Variants in MINDY4B observed in about 807,000 individuals in gnomAD.
The protein encoded by MINDY4B is MINDY family member 4B.
A neutral mutation model predicts 16.7 loss-of-function variants in MINDY4B; 25 were observed. That is an observed-to-expected ratio of 1.49 (90% CI 1.09 to 2.09). The LOEUF (loss-of-function observed/expected upper bound fraction) is 2.09, where lower values mean the gene tolerates loss of function less well. MINDY4B is among the 30% of genes most tolerant of loss of function. The pLI, the probability that MINDY4B is intolerant of heterozygous loss-of-function variation, is 0.00. For missense variants in MINDY4B, 327 were observed against 168.4 expected (o/e 1.94, Z -5.21); for synonymous variants, 132 against 61.9 (o/e 2.13, Z -5.32).
At chr3:150,889,540 A>G (rs1711711854) in intron 7 of MINDY4B, among the ~76,000 whole-genome samples, 2 of 152,234 alleles carry the variant, frequency 1.3e-5, no homozygotes, top group African/African-American at 2.4e-5. Flanking sequence ...TAATATATTT[A>G]CAAGTTCCGG....
chr3:150,882,929 T>C lies in MINDY4B; in HGVS notation c.1027A>G (p.Lys343Glu). 1.4e-6 allele frequency: 1 copy of C among 702,870 alleles called. No homozygotes were observed. Among genetic ancestry groups the C allele is most frequent in the Non-Finnish European group, 2.6e-6 (1 of 384,750 alleles). The allele number at this position is 702,870 out of a possible 1,614,324, so 43.5% of individuals were successfully genotyped here. Reference protein sequence around the residue: ...RSDVGYLQWGKDASEDDRLSQ... With the variant: ...RSDVGYLQWGEDASEDDRLSQ... Reference sequence around the variant, plus strand: ...AGTCTGTCATCTTCCGAGGCATCCTTACCCCACTGCAAATAGCCAACATCA... The same window carrying C: ...AGTCTGTCATCTTCCGAGGCATCCTCACCCCACTGCAAATAGCCAACATCA... Residue 343 changes from lysine (K) to glutamate (E), a missense_variant, in exon 10 of 12, where the codon AAG becomes GAG. Physicochemically the swap from Lys to Glu is moderately conservative, Grantham distance 56. Coordinates refer to ENST00000465419, the MANE Select transcript of MINDY4B (RefSeq NM_001351281.2).
chr3:150,890,281 GTCAAC>G, intron 7 of MINDY4B, 34 bp downstream of exon 7: 1 of 458,636 alleles, frequency 2.2e-6, no homozygotes, highest in Middle Eastern at 5.1e-4. Flanking sequence ...TGTAAGATCA[GTCAAC>G]ATAAAGGAAT....
Position 150,870,972 on chromosome 3 carries a change from T to C in MINDY4B, c.*73A>G. 1 of 640,772 alleles carries C rather than the reference T, an allele frequency of 1.6e-6. No individual in the cohort carries two copies. The highest frequency in any genetic ancestry group is 2.8e-6 in the Non-Finnish European group (1 of 357,724). The allele number at this position is 640,772 out of a possible 1,614,324, so 39.7% of individuals were successfully genotyped here. On this transcript the variant is annotated 3_prime_UTR_variant, in exon 12 of 12. Transcript: ENST00000465419. ...GAATGAGAAATATGGAAACGATTGG[T>C]CTCCCCCACATTAGGCTTTTGCATC...
chr3:150,903,736 G>GTTTTATAA (rs1712172263), intron 2 of MINDY4B, among the ~76,000 whole-genome samples: 1 of 152,178 alleles, frequency 6.6e-6, no homozygotes, highest in Admixed American at 6.5e-5. Flanking sequence ...GTTTTGAGAA[G>GTTTTATAA]ACAACATTTT....
chr3:150,880,346 C>T (rs977330475), intron 10 of MINDY4B, among the ~76,000 whole-genome samples: 7 of 143,398 alleles, frequency 4.9e-5, no homozygotes, highest in South Asian at 2.1e-4. Context: ...TGTGTGGATG[C>T]GCACACGCGC....
intron 6 of MINDY4B, 198 bp downstream of exon 6, chr3:150,890,740 A>G (rs1402031112): frequency 5.7e-6 from 3 of 529,910 alleles, no homozygotes; most frequent in Non-Finnish European, 1.0e-5. Flanking sequence ...GGTGAATTCC[A>G]TAGCAGGAAT....
Position 150,870,797 on chromosome 3 carries a change from A to T in MINDY4B, c.*248T>A, listed in dbSNP as rs1354786458. Reference sequence around the variant, plus strand: ...CTCTTTTGAATAAAAGAAAGAAACCAGTCTATGTGACTACGGAGGAGGCAC... The same window carrying T: ...CTCTTTTGAATAAAAGAAAGAAACCTGTCTATGTGACTACGGAGGAGGCAC... On this transcript the variant is annotated 3_prime_UTR_variant, in exon 12 of 12. Transcript: ENST00000465419. Among the ~76,000 whole-genome samples the T allele has an allele frequency of 2.6e-5, 4 of 152,242 alleles. No individual in the cohort carries two copies. Among genetic ancestry groups the T allele is most frequent in the African/African-American group, 9.6e-5 (4 of 41,470 alleles).
At position 150,870,941 on chromosome 3, in the gene MINDY4B, G is replaced by C. The variant is rs1195231950; in HGVS notation, c.*104C>G. On this transcript the variant is annotated 3_prime_UTR_variant, in exon 12 of 12. Coordinates refer to ENST00000465419, the MANE Select transcript of MINDY4B (RefSeq NM_001351281.2). ...GTATATATATATATTTTTTGGTGGGGCTTGTGAATGAGAAATATGGAAACG... is the reference window on the plus strand; with the variant it reads ...GTATATATATATATTTTTTGGTGGGCCTTGTGAATGAGAAATATGGAAACG... The C allele has an allele frequency of 1.6e-6, 1 of 608,196 alleles. No homozygotes were observed. Among genetic ancestry groups the C allele is most frequent in the Non-Finnish European group, 2.9e-6 (1 of 342,996 alleles). The allele number at this position is 608,196 out of a possible 1,614,324, so 37.7% of individuals were successfully genotyped here.
At chr3:150,880,406 A>G (rs1711513164) in intron 10 of MINDY4B, among the ~76,000 whole-genome samples, 1 of 152,254 alleles carries the variant, frequency 6.6e-6, no homozygotes, top group Non-Finnish European at 1.5e-5. Context: ...AGACTTCTAC[A>G]CAAGCAGACT....
intron 5 of MINDY4B, 64 bp from the exon 6 acceptor site, chr3:150,891,167 G>A: frequency 1.5e-6 from 1 of 664,818 alleles, no homozygotes; most frequent in East Asian, 2.7e-5. Context: ...ACAGAGATGG[G>A]AAGTAATTTG....
intron 3 of MINDY4B, among the ~76,000 whole-genome samples, chr3:150,902,918 G>A (rs776797457): frequency 5.9e-5 from 9 of 152,106 alleles, no homozygotes; most frequent in African/African-American, 9.7e-5. Flanking sequence ...CATTTGCAGC[G>A]CTCCACAGTC....
At chr3:150,884,686 C>T (rs568236720) in intron 8 of MINDY4B, among the ~76,000 whole-genome samples, 38 of 152,274 alleles carry the variant, frequency 2.5e-4, no homozygotes, top group Non-Finnish European at 4.3e-4. Context: ...GGACCACTGC[C>T]GCAGGGTTGT....
rs580631 is a variant in MINDY4B, at chr3:150,884,172, G to A, written c.825-400C>T. Among the ~76,000 whole-genome samples, 6 of 152,176 alleles carry A rather than the reference G, an allele frequency of 3.9e-5. No individual in the cohort carries two copies. The East Asian group carries it at 1.2e-3, about 29-fold the overall frequency. On this transcript the variant is annotated intron_variant, in intron 8 of 11. Transcript: ENST00000465419. The stretch of plus-strand genomic sequence containing the variant: ...AACAGATTGTCCAAATGGAAAACAC[G>A]GTTGTGGCCATTTCTTGGCTGAGCC...
chr3:150,887,146 C>T (rs187026593), intron 7 of MINDY4B, among the ~76,000 whole-genome samples: 93 of 152,186 alleles, frequency 6.1e-4, no homozygotes, highest in African/African-American at 2.1e-3. Context: ...ATAAGGGTTA[C>T]GAAACACAGG....
At chr3:150,889,583 T>C (rs1229711205) in intron 7 of MINDY4B, among the ~76,000 whole-genome samples, 1 of 149,758 alleles carries the variant, frequency 6.7e-6, no homozygotes, top group African/African-American at 2.5e-5. Flanking sequence ...GGGGGACTAG[T>C]CCTCTGCCTA....
At chr3:150,879,458 G>A (rs1159287923) in intron 10 of MINDY4B, among the ~76,000 whole-genome samples, 1 of 152,172 alleles carries the variant, frequency 6.6e-6, no homozygotes, top group African/African-American at 2.4e-5. Context: ...TGCTGCAGAG[G>A]TTGAGAAGTC....
intron 10 of MINDY4B, among the ~76,000 whole-genome samples, chr3:150,880,949 A>G (rs775826403): frequency 6.6e-6 from 1 of 152,274 alleles, no homozygotes; most frequent in Non-Finnish European, 1.5e-5. Context: ...ACTCTTCATT[A>G]TATGAGTCAA....
At chr3:150,893,573 T>C (rs1426016992) in intron 4 of MINDY4B, among the ~76,000 whole-genome samples, 158 bp from the exon 5 acceptor site, 1 of 152,184 alleles carries the variant, frequency 6.6e-6, no homozygotes, top group African/African-American at 2.4e-5. Flanking sequence ...TGGCTGGTGC[T>C]GTGGCTGGGC....
At position 150,883,761 on chromosome 3, in the gene MINDY4B, T is replaced by G. The variant is rs913718533; in HGVS notation, c.836A>C (p.Asp279Ala). 3 of 702,690 alleles carry G rather than the reference T, an allele frequency of 4.3e-6. No homozygotes were observed. The highest frequency in any genetic ancestry group is 7.8e-6 in the Non-Finnish European group (3 of 384,818). 43.5% of individuals were successfully genotyped at this position (702,690 alleles called of 1,614,324 possible). ...CAGCTGAGTGGTGGTGACATCTAGGTCCATTTGAAGCCTGCAGAGTGGGAG... is the reference window on the plus strand; with the variant it reads ...CAGCTGAGTGGTGGTGACATCTAGGGCCATTTGAAGCCTGCAGAGTGGGAG... ...FSRTFERLQM[D>A]LDVTTTQLLQ... The change falls in exon 9 of 12, where the codon GAC becomes GCC. Residue 279 changes from aspartate (D) to alanine (A), a missense_variant. Asp to Ala is a moderately radical substitution (Grantham distance 126, BLOSUM62 -2). Coordinates refer to ENST00000465419, the MANE Select transcript of MINDY4B (RefSeq NM_001351281.2).
Sources: allele counts gnomAD v4.1 joint callset (sites outside exome capture counted in the v4.1 genomes callset), GRCh38; gene constraint gnomAD v4.1.1; transcripts MANE v1.5; gene names NCBI Gene and HGNC (gene_info 2026-07-23, HGNC 2026-07-21).